AGBL4: variants seen among roughly 807,000 people sequenced by gnomAD.
The protein encoded by AGBL4 is AGBL carboxypeptidase 4.
A neutral mutation model predicts 66.4 loss-of-function variants in AGBL4; 58 were observed. The observed-to-expected ratio is 0.87, with a 90% CI of 0.71 to 1.09. The LOEUF (loss-of-function observed/expected upper bound fraction) is 1.09. Among genes scored for constraint, AGBL4 ranks in the 50% least tolerant of loss-of-function variants. The pLI, the probability that AGBL4 is intolerant of heterozygous loss-of-function variation, is 0.00. For missense variants in AGBL4, 579 were observed against 631.0 expected, an observed-to-expected ratio of 0.92 and a Z score of 0.88; for synonymous variants, 234 against 222.9, an observed-to-expected ratio of 1.05 and a Z score of -0.44.
chr1:48,636,499 A>G (rs1645670443), intron 8 of AGBL4, among the ~76,000 whole-genome samples: 1 of 152,234 alleles, frequency 6.6e-6, no homozygotes. Context: ...CTACTATGTA[A>G]TGGAGTTAGA....
chr1:49,667,450 C>A (rs893441283), intron 3 of AGBL4, among the ~76,000 whole-genome samples: 3 of 151,518 alleles, frequency 2.0e-5, no homozygotes, highest in Non-Finnish European at 4.4e-5. Flanking sequence ...AAAATGAGAC[C>A]CTGTCTCAAA....
At chr1:49,576,151 G>A (rs1488757177) in intron 3 of AGBL4, among the ~76,000 whole-genome samples, 4 of 152,210 alleles carry the variant, frequency 2.6e-5, no homozygotes, top group African/African-American at 9.6e-5. Context: ...CTACAACCAA[G>A]AAAGAGGCAC....
intron 3 of AGBL4, among the ~76,000 whole-genome samples, chr1:49,380,281 A>T (rs1434097447): frequency 2.0e-5 from 3 of 152,174 alleles, no homozygotes; most frequent in Non-Finnish European, 2.9e-5. Context: ...ATACCTAGGA[A>T]TCCAACTTAC....
Position 49,113,822 on chromosome 1 carries a change from T to C in AGBL4, c.378-68022A>G, listed in dbSNP as rs556714929. 3.3e-5 allele frequency among the ~76,000 whole-genome samples: 5 copies of C among 152,334 alleles called. No homozygotes were observed. In the East Asian group the frequency reaches 9.6e-4, roughly 29 times the overall value. On this transcript the variant is annotated intron_variant, in intron 4 of 13. Transcript: ENST00000371839. ...CATGTGCATTGTCAGTGAGCTGTAA[T>C]ATTTTTGAAGAATTTTTTTTTTCCC...
At chr1:48,756,031 A>G (rs1318004921) in intron 6 of AGBL4, among the ~76,000 whole-genome samples, 1 of 152,204 alleles carries the variant, frequency 6.6e-6, no homozygotes, top group Non-Finnish European at 1.5e-5. Flanking sequence ...ACCCTGTCTT[A>G]GCTCCTCCAT....
chr1:48,852,924 G>A (rs1647065430), intron 6 of AGBL4, among the ~76,000 whole-genome samples: 1 of 152,076 alleles, frequency 6.6e-6, no homozygotes, highest in African/African-American at 2.4e-5. Context: ...TTTGGCGCTG[G>A]CCTCCAGGAT....
intron 9 of AGBL4, among the ~76,000 whole-genome samples, chr1:48,623,074 T>C (rs1460968128): frequency 6.6e-6 from 1 of 152,186 alleles, no homozygotes; most frequent in Non-Finnish European, 1.5e-5. Flanking sequence ...TTGCAACTTT[T>C]CTAAGAACAA....
At chr1:48,864,977 A>C (rs1442743221) in intron 6 of AGBL4, among the ~76,000 whole-genome samples, 4 of 151,946 alleles carry the variant, frequency 2.6e-5, no homozygotes, top group Non-Finnish European at 5.9e-5. Flanking sequence ...ACAAAATAAG[A>C]CTTTAAAGAA....
At chr1:49,657,519 T>G (rs1407477657) in intron 3 of AGBL4, among the ~76,000 whole-genome samples, 1 of 152,176 alleles carries the variant, frequency 6.6e-6, no homozygotes, top group African/African-American at 2.4e-5. Context: ...TTAAAGTTCA[T>G]AGGGAACCAA....
At chr1:49,842,352 C>A in intron 2 of AGBL4, 2 of 556,184 alleles carry the variant, frequency 3.6e-6, no homozygotes, top group Non-Finnish European at 3.0e-6. Context: ...GAGCCATGGG[C>A]GGTGGACTCT....
At chr1:48,735,466 G>A (rs1648879106) in intron 6 of AGBL4, among the ~76,000 whole-genome samples, 1 of 151,566 alleles carries the variant, frequency 6.6e-6, no homozygotes, top group South Asian at 2.1e-4. Context: ...GTAGAGGAAG[G>A]AGGAAAGGAA....
intron 3 of AGBL4, among the ~76,000 whole-genome samples, chr1:49,390,461 A>G (rs1644822330): frequency 6.6e-6 from 1 of 152,228 alleles, no homozygotes; most frequent in Non-Finnish European, 1.5e-5. Flanking sequence ...AGACATACTC[A>G]AAAATCTCTA....
intron 1 of AGBL4, among the ~76,000 whole-genome samples, chr1:50,012,232 T>G (rs186471146): frequency 1.3e-5 from 2 of 148,390 alleles, no homozygotes; most frequent in Admixed American, 1.3e-4. Context: ...GCTGGGGATA[T>G]GGATTGAAAA....
chr1:49,587,461 G>A (rs566434956), intron 3 of AGBL4, among the ~76,000 whole-genome samples: 1 of 152,162 alleles, frequency 6.6e-6, no homozygotes, highest in South Asian at 2.1e-4. Flanking sequence ...TAGGCAACTG[G>A]TTTTATTCAC....
At chr1:48,656,332 G>A (rs1401847817) in intron 7 of AGBL4, among the ~76,000 whole-genome samples, 2 of 152,200 alleles carry the variant, frequency 1.3e-5, no homozygotes, top group Non-Finnish European at 1.5e-5. Flanking sequence ...GCTTATAAAC[G>A]CCTATTGATG....
chr1:49,561,364 G>C (rs1305493), intron 3 of AGBL4, among the ~76,000 whole-genome samples: 7,496 of 151,446 alleles, frequency 0.049, 576 homozygotes, highest in African/African-American at 0.16. Context: ...ACAACATGCA[G>C]GTTACATATG....
At chr1:48,564,106 T>C (rs1440693803) in intron 11 of AGBL4, among the ~76,000 whole-genome samples, 1 of 152,040 alleles carries the variant, frequency 6.6e-6, no homozygotes, top group African/African-American at 2.4e-5. Context: ...AGACATGACT[T>C]TCCCATCTCT....
At chr1:49,108,512 C>T (rs1352414457) in intron 4 of AGBL4, among the ~76,000 whole-genome samples, 2 of 152,110 alleles carry the variant, frequency 1.3e-5, no homozygotes, top group African/African-American at 4.8e-5. Flanking sequence ...AAAACTGTAT[C>T]TAGAGTCTCC....
At chr1:49,138,691 C>T (rs1438582538) in intron 4 of AGBL4, among the ~76,000 whole-genome samples, 2 of 152,134 alleles carry the variant, frequency 1.3e-5, no homozygotes, top group Non-Finnish European at 2.9e-5. Flanking sequence ...CCAACTGCCA[C>T]CTCAACATTT....
Sources: gnomAD v4.1 joint callset for allele counts (sites outside exome capture counted in the v4.1 genomes callset) on GRCh38, gnomAD v4.1.1 for gene constraint, MANE v1.5 for transcripts, NCBI Gene and HGNC (gene_info 2026-07-23, HGNC 2026-07-21) for gene names.